SART3: variants seen among roughly 807,000 people sequenced by gnomAD.
The protein encoded by SART3 is spliceosome associated factor 3, U4/U6 recycling protein.
A neutral mutation model predicts 122.3 loss-of-function variants in SART3; 44 were observed. That is an observed-to-expected ratio of 0.36 (90% CI 0.28 to 0.46). SART3 has a LOEUF of 0.46. Among genes scored for constraint, SART3 ranks in the 20% least tolerant of loss-of-function variants. The pLI is 1.00. For missense variants in SART3, 1,101 were observed against 1,229.0 expected (o/e 0.90, Z 1.56); for synonymous variants, 442 against 454.0 (o/e 0.97, Z 0.34).
intron 1 of SART3, among the ~76,000 whole-genome samples, chr12:108,552,542 CA>C (rs202116633): frequency 1.4e-4 from 18 of 130,780 alleles, no homozygotes; most frequent in South Asian, 2.3e-4. Flanking sequence ...CATACAAAAA[CA>C]AAAAAAAAAA....
At chr12:108,537,142 G>A in intron 9 of SART3, 3 of 428,154 alleles carry the variant, frequency 7.0e-6, no homozygotes, top group South Asian at 6.7e-5. Context: ...TTTTCGGGGG[G>A]ACATGAAGGG....
In SART3 at chr12:108,561,051, C is replaced by T. The variant is rs1049430181; in HGVS notation, c.104G>A (p.Arg35Lys). The T allele has an allele frequency of 6.2e-7, 1 of 1,614,066 alleles. No homozygotes were observed. Among genetic ancestry groups the T allele is most frequent in the Non-Finnish European group, 8.5e-7 (1 of 1,180,016 alleles). The change falls in exon 1 of 19, where the codon AGG becomes AAG. Residue 35 changes from arginine (R) to lysine (K), a missense_variant. Transcript: ENST00000546815. ...EEDEVKAART[R>K]RKVLSRAVAA... ...CACAGCCCGCGATAACACCTTCCTC[C>T]TTGTCCTAGCCGCCTTAACCTCATC...
intron 12 of SART3, 60 bp from the exon 13 acceptor site, chr12:108,532,394 G>C (rs1872717921): frequency 7.0e-7 from 1 of 1,424,006 alleles, no homozygotes; most frequent in African/African-American, 1.4e-5. Context: ...CACTCGAAGG[G>C]AGAGGCCGTC....
At chr12:108,552,396 G>A (rs2030042304) in intron 1 of SART3, among the ~76,000 whole-genome samples, 1 of 151,080 alleles carries the variant, frequency 6.6e-6, no homozygotes, top group Admixed American at 6.6e-5. Flanking sequence ...AGAAATAAAA[G>A]CTATACAGCT....
chr12:108,526,595 C>A, intron 15 of SART3, 42 bp from the exon 16 acceptor site: 1 of 1,600,674 alleles, frequency 6.2e-7, no homozygotes, highest in Non-Finnish European at 8.5e-7. Flanking sequence ...TTAACTGTTA[C>A]TTCTCTTCAG....
At position 108,526,279 on chromosome 12, in the gene SART3, C is replaced by T; in HGVS notation, c.2190G>A (p.Gly730=). 3 of 1,614,200 alleles carry T rather than the reference C, an allele frequency of 1.9e-6. No individual in the cohort carries two copies. The highest frequency in any genetic ancestry group is 2.5e-6 in the Non-Finnish European group (3 of 1,180,042). The change falls in exon 16 of 19, where the codon GGG becomes GGA. Residue 730 remains glycine (G), a synonymous_variant. Coordinates refer to ENST00000546815, the MANE Select transcript of SART3 (RefSeq NM_014706.4). Reference sequence around the variant, plus strand: ...AGATGGGTCGGATCTGGACCACCTCCCCACAGGCCTCGAAGAGTGGCCTGA... The same window carrying T: ...AGATGGGTCGGATCTGGACCACCTCTCCACAGGCCTCGAAGAGTGGCCTGA... ...TKLRPLFEAC[G]EVVQIRPIFS...
At chr12:108,548,343 G>A (rs896590076) in intron 2 of SART3, among the ~76,000 whole-genome samples, 7 of 152,198 alleles carry the variant, frequency 4.6e-5, no homozygotes, top group African/African-American at 2.4e-5. Context: ...AGTGTTATAC[G>A]TAGAATAGCT....
At chr12:108,526,684 G>T in intron 15 of SART3, 131 bp from the exon 16 acceptor site, 1 of 957,982 alleles carries the variant, frequency 1.0e-6, no homozygotes, top group Non-Finnish European at 1.6e-6. Context: ...ACTCGGAGGG[G>T]CAAGCACCAC....
At chr12:108,557,850 G>A (rs894012121) in intron 1 of SART3, among the ~76,000 whole-genome samples, 4 of 152,174 alleles carry the variant, frequency 2.6e-5, no homozygotes, top group Non-Finnish European at 5.9e-5. Context: ...AGATACCACA[G>A]CAAACTGCCA....
intron 15 of SART3, among the ~76,000 whole-genome samples, chr12:108,527,540 C>T (rs993834028): frequency 3.9e-5 from 6 of 152,168 alleles, no homozygotes; most frequent in African/African-American, 1.4e-4. Flanking sequence ...CACGCCATGC[C>T]CTGATCACAC....
In SART3 at chr12:108,523,423, G is replaced by C. The variant is rs762582233; in HGVS notation, c.*34C>G. 6.2e-7 allele frequency: 1 copy of C among 1,609,942 alleles called. No individual in the cohort carries two copies. Among genetic ancestry groups the C allele is most frequent in the South Asian group, 1.1e-5 (1 of 90,950 alleles). On this transcript the variant is annotated 3_prime_UTR_variant, in exon 19 of 19. Coordinates refer to ENST00000546815, the MANE Select transcript of SART3 (RefSeq NM_014706.4). ...GGTGGGAGGTCCGCCGGGCCAGAGT[G>C]AAGTAAGGCATTTCCTGTCTCCCAG...
rs1785569687 is a variant in SART3 at position 108,561,017 on chromosome 12, C to T, written c.138G>A (p.Ala46=). Residue 46 remains alanine, a synonymous_variant, in exon 1 of 19, where the codon GCG becomes GCA. Coordinates refer to ENST00000546815, the MANE Select transcript of SART3 (RefSeq NM_014706.4). ...ACGCTGGCCCCATGGTCTTGTATGTCGCAGCGGCCACAGCCCGCGATAACA... is the reference window on the plus strand; with the variant it reads ...ACGCTGGCCCCATGGTCTTGTATGTTGCAGCGGCCACAGCCCGCGATAACA... ...RKVLSRAVAA[A]TYKTMGPAWD... The T allele has an allele frequency of 6.2e-7, 1 of 1,614,182 alleles. No homozygotes were observed. Among genetic ancestry groups the T allele is most frequent in the African/African-American group, 1.3e-5 (1 of 75,048 alleles).
Position 108,545,241 on chromosome 12 carries a change from C to A in SART3, c.627G>T (p.Val209=). 1 of 1,614,194 alleles carries A rather than the reference C, an allele frequency of 6.2e-7. No individual in the cohort carries two copies. The highest frequency in any genetic ancestry group is 2.2e-5 in the East Asian group (1 of 44,886). Residue 209 remains valine, a synonymous_variant, in exon 4 of 19, where the codon GTG becomes GTT. Coordinates refer to ENST00000546815, the MANE Select transcript of SART3 (RefSeq NM_014706.4). ...CAACAGACGAGAGAGCCCTTTCAAA[C>A]ACGGAGCGAACTTTCTCAAGGCCAC... is the stretch of plus-strand genomic sequence containing the variant. ...QKGGLEKVRS[V]FERALSSVGL... is the part of the protein sequence containing the mutation.
chr12:108,535,349 G>C lies in SART3; in HGVS notation c.1556+10C>G. ...AGCACTGCCTCCCTCCCCACCCCGA[G>C]ATCAGTTACCTTTCCAGGTTGTAAT... On this transcript the variant is annotated intron_variant, in intron 12 of 18. Transcript: ENST00000546815. 1 of 1,609,416 alleles carries C rather than the reference G, an allele frequency of 6.2e-7. No homozygotes were observed. Among genetic ancestry groups the C allele is most frequent in the African/African-American group, 1.3e-5 (1 of 74,916 alleles).
chr12:108,525,864 C>T (rs1183401607), intron 16 of SART3: 2 of 619,504 alleles, frequency 3.2e-6, no homozygotes, highest in East Asian at 5.5e-5. Context: ...TGAGCTGACA[C>T]ACATAAAGCA....
chr12:108,537,989 T>C, intron 8 of SART3, 76 bp downstream of exon 8: 1 of 1,587,920 alleles, frequency 6.3e-7, no homozygotes, highest in Non-Finnish European at 8.6e-7. Flanking sequence ...AACACTGATG[T>C]AATGACTTTG....
rs1217314394 is a variant in SART3 at position 108,526,570 on chromosome 12, G to T, written c.1916-17C>A. 4.3e-6 allele frequency: 7 copies of T among 1,612,384 alleles called. No homozygotes were observed. The highest frequency in any genetic ancestry group is 5.1e-6 in the Non-Finnish European group (6 of 1,179,800). On this transcript the variant is annotated splice_polypyrimidine_tract_variant and intron_variant, in intron 15 of 18. Transcript: ENST00000546815. The stretch of plus-strand genomic sequence containing the variant: ...AAGGCTGCTCTACAGGTTTTCAAAA[G>T]AAAAGTAGCCATGGTTAACTGTTAC...
chr12:108,536,959 T>C (rs1872934927), intron 9 of SART3, 174 bp from the exon 10 acceptor site: 20 of 659,674 alleles, frequency 3.0e-5, no homozygotes, highest in South Asian at 2.8e-4. Context: ...AGAAAGAAAT[T>C]TGAACAGAAT....
At chr12:108,554,392 G>A (rs75661962) in intron 1 of SART3, among the ~76,000 whole-genome samples, 7,268 of 151,924 alleles carry the variant, frequency 0.048, 582 homozygotes, top group African/African-American at 0.17. Context: ...TGTATAAAGA[G>A]AACAATACAT....
Sources: gnomAD v4.1 joint callset for allele counts (sites outside exome capture counted in the v4.1 genomes callset) on GRCh38, gnomAD v4.1.1 for gene constraint, MANE v1.5 for transcripts, NCBI Gene and HGNC (gene_info 2026-07-23, HGNC 2026-07-21) for gene names.